The following LSS variants were observed in gnomAD, a reference collection of about 807,000 sequenced individuals.
LSS encodes the protein lanosterol synthase.
A neutral mutation model predicts 110.3 loss-of-function variants in LSS; 90 were observed. The observed-to-expected ratio is 0.82, with a 90% CI of 0.69 to 0.97. The LOEUF (loss-of-function observed/expected upper bound fraction) is 0.97, where lower values mean the gene tolerates loss of function less well. LSS is among the 50% of genes least tolerant of loss of function. The pLI, the probability that LSS is intolerant of heterozygous loss-of-function variation, is 0.00. For synonymous variants in LSS, 433 were observed against 400.0 expected (o/e 1.08, Z -0.98); for missense variants, 927 against 990.0 (o/e 0.94, Z 0.85).
rs9983748 is a variant in LSS, at chr21:46,217,056, G to A, written c.648-532C>T. Among the ~76,000 whole-genome samples, 317 of 152,192 alleles carry A rather than the reference G, an allele frequency of 2.1e-3. 1 individual carries two copies. The highest frequency in any genetic ancestry group is 7.1e-3 in the African/African-American group (295 of 41,520). ...GAGGTCAGGAGTTTGAGACCAGCCT[G>A]ACCAACATGGCGAAACCCCATCTCT... On this transcript the variant is annotated intron_variant, in intron 6 of 21. Coordinates refer to ENST00000397728, the MANE Select transcript of LSS (RefSeq NM_002340.6).
At chr21:46,207,090 G>A (rs924822279) in intron 15 of LSS, among the ~76,000 whole-genome samples, 13 of 152,244 alleles carry the variant, frequency 8.5e-5, no homozygotes, top group Non-Finnish European at 1.9e-4. Context: ...TGTGCTGAAA[G>A]GATGTGGCAC....
intron 6 of LSS, among the ~76,000 whole-genome samples, chr21:46,217,680 C>T (rs554410486): frequency 2.0e-5 from 3 of 152,334 alleles, no homozygotes; most frequent in African/African-American, 4.8e-5. Context: ...CCTGGCGTGC[C>T]CATGCGGCAG....
intron 6 of LSS, among the ~76,000 whole-genome samples, chr21:46,218,066 C>T (rs1007154262): frequency 3.9e-5 from 6 of 152,020 alleles, no homozygotes; most frequent in African/African-American, 1.2e-4. Flanking sequence ...CTTGAGCGGC[C>T]CCTTCACTTC....
At chr21:46,207,788 TCA>T (rs1356635759) in intron 14 of LSS, among the ~76,000 whole-genome samples, 3 of 151,028 alleles carry the variant, frequency 2.0e-5, no homozygotes, top group African/African-American at 7.4e-5. Context: ...GGGGTGCAGC[TCA>T]CACCCTCAAC....
intron 20 of LSS, chr21:46,193,133 A>C: frequency 2.2e-6 from 1 of 446,738 alleles, no homozygotes; most frequent in South Asian, 1.6e-5. Context: ...GTGCATGCAT[A>C]CGTGTGTGCA....
In LSS at chr21:46,190,902, G is replaced by T; in HGVS notation, c.*202C>A. 1.7e-6 allele frequency: 1 copy of T among 579,760 alleles called. No homozygotes were observed. The highest frequency in any genetic ancestry group is 2.9e-6 in the Non-Finnish European group (1 of 341,736). The allele number at this position is 579,760 out of a possible 1,614,324, so 35.9% of individuals were successfully genotyped here. ...AGCCCGACAAGCTACTTTCAGAAATGAACCTACAGTAAAAATCAAGAGTCT... is the reference window on the plus strand; with the variant it reads ...AGCCCGACAAGCTACTTTCAGAAATTAACCTACAGTAAAAATCAAGAGTCT... On this transcript the variant is annotated 3_prime_UTR_variant, in exon 22 of 22. Transcript: ENST00000397728. This position sits in a 1 kb window ranked among gnomAD's most constrained non-coding sequence, Gnocchi z 4.6.
intron 3 of LSS, 43 bp downstream of exon 3, chr21:46,227,509 T>G: frequency 6.2e-7 from 1 of 1,610,686 alleles, no homozygotes; most frequent in African/African-American, 1.3e-5. Flanking sequence ...CCAAGGGTGA[T>G]CCAGGGTGGC....
At chr21:46,205,300 CAGGAGAGCAGG>C (rs999540873) in intron 17 of LSS, among the ~76,000 whole-genome samples, 7 of 152,140 alleles carry the variant, frequency 4.6e-5, no homozygotes, top group African/African-American at 1.4e-4. Context: ...AGCAGGAGAG[CAGGAGAGCAGG>C]AGAAGGCAAC....
At chr21:46,196,705 C>T (rs778509795) in intron 17 of LSS, among the ~76,000 whole-genome samples, 8 of 152,238 alleles carry the variant, frequency 5.3e-5, no homozygotes, top group Non-Finnish European at 8.8e-5. Context: ...AAGGCCAGAG[C>T]GAAGTGTCTA....
At chr21:46,194,857 C>T (rs1423526061) in intron 19 of LSS, among the ~76,000 whole-genome samples, 196 bp from the exon 20 acceptor site, 1 of 152,256 alleles carries the variant, frequency 6.6e-6, no homozygotes, top group Non-Finnish European at 1.5e-5. Context: ...ACTCCTGCCT[C>T]CCAGAGTCGC....
At position 46,216,313 on chromosome 21, in the gene LSS, G is replaced by A. The variant is rs1033393832; in HGVS notation, c.783+76C>T. 1.2e-5 allele frequency: 19 copies of A among 1,589,734 alleles called. No individual in the cohort carries two copies. The highest frequency in any genetic ancestry group is 1.6e-5 in the Non-Finnish European group (19 of 1,162,358). ...GCCACCAGGTGAGTGGACAGGTGTG[G>A]TTAGATTCCAGAAGCCCCAGGCCCT... On this transcript the variant is annotated intron_variant, in intron 7 of 21. Coordinates refer to ENST00000397728, the MANE Select transcript of LSS (RefSeq NM_002340.6). The surrounding 1 kb of genome is among the most constrained non-coding windows in gnomAD (Gnocchi z 4.2).
intron 13 of LSS, among the ~76,000 whole-genome samples, 162 bp from the exon 14 acceptor site, chr21:46,208,463 G>A (rs1337714899): frequency 2.0e-5 from 3 of 152,178 alleles, no homozygotes; most frequent in Non-Finnish European, 4.4e-5. Context: ...CGAGGCGCGC[G>A]AGGGCCTGCA....
intron 9 of LSS, among the ~76,000 whole-genome samples, chr21:46,214,075 C>T (rs1256529042): frequency 6.6e-6 from 1 of 152,226 alleles, no homozygotes; most frequent in African/African-American, 2.4e-5. Context: ...CTGCCTTAGG[C>T]TGTGAGAAGG....
At chr21:46,203,135 A>G (rs1477961561) in intron 17 of LSS, among the ~76,000 whole-genome samples, 1 of 152,244 alleles carries the variant, frequency 6.6e-6, no homozygotes, top group Non-Finnish European at 1.5e-5. Context: ...AGACAGCCAG[A>G]AGGGGCAGGG....
At position 46,228,468 on chromosome 21, in the gene LSS, G is replaced by A; in HGVS notation, c.146C>T (p.Thr49Ile). The change falls in exon 2 of 22, where the codon ACC (threonine) becomes ATC (isoleucine). Residue 49 changes from threonine to isoleucine, a missense_variant. Transcript: ENST00000397728. ...CCCCAGGGCGTAGGCTTCCAGGCCG[G>A]TCTGCTCGCGGCCGGCGCGCTCGTC... Reference protein sequence around the residue: ...LQDERAGREQTGLEAYALGLD... With the variant: ...LQDERAGREQIGLEAYALGLD... 1 of 1,603,702 alleles carries A rather than the reference G, an allele frequency of 6.2e-7. No individual in the cohort carries two copies. The highest frequency in any genetic ancestry group is 8.5e-7 in the Non-Finnish European group (1 of 1,179,610).
chr21:46,213,640 C>A lies in LSS; in HGVS notation c.1109+98G>T, dbSNP rs2080161918. On this transcript the variant is annotated intron_variant, in intron 10 of 21. Coordinates refer to ENST00000397728, the MANE Select transcript of LSS (RefSeq NM_002340.6). The stretch of plus-strand genomic sequence containing the variant: ...CCTGGAGGTATTCCCTGGCAGTATT[C>A]CCAGATGGCACCGTGGGGGCCCCCT... 4 of 900,724 alleles carry A rather than the reference C, an allele frequency of 4.4e-6. No individual in the cohort carries two copies. The African/African-American group carries it at 5.0e-5, about 11-fold the overall frequency. 55.8% of individuals were successfully genotyped at this position (900,724 alleles called of 1,614,324 possible). A position where few individuals can be genotyped will look rare whatever the true frequency, so the allele number is the denominator to read the frequency against.
Position 46,189,828 on chromosome 21 carries a change from A to G in LSS, c.*1276T>C. ...AACGAAGCTCTCAGTGACTCCTCCC[A>G]GTAGCCAGGGGAGAGCAGTGACAGT... On this transcript the variant is annotated 3_prime_UTR_variant, in exon 22 of 22. Coordinates refer to ENST00000397728, the MANE Select transcript of LSS (RefSeq NM_002340.6). The G allele has an allele frequency of 2.3e-6, 1 of 425,992 alleles. No individual in the cohort carries two copies. The highest frequency in any genetic ancestry group is 4.7e-6 in the Non-Finnish European group (1 of 211,370). The allele number at this position is 425,992 out of a possible 1,614,324, so 26.4% of individuals were successfully genotyped here. A position where few individuals can be genotyped will look rare whatever the true frequency, so the allele number is the denominator to read the frequency against.
intron 2 of LSS, among the ~76,000 whole-genome samples, chr21:46,228,060 C>T (rs561268622): frequency 9.4e-4 from 143 of 152,266 alleles, no homozygotes; most frequent in African/African-American, 3.0e-3. Flanking sequence ...GGCCGGGGCT[C>T]GGCAGGAGAC....
chr21:46,225,062 C>T (rs904213612), intron 3 of LSS, among the ~76,000 whole-genome samples: 8 of 152,072 alleles, frequency 5.3e-5, no homozygotes, highest in Admixed American at 2.6e-4. Flanking sequence ...ACCGAGGGCA[C>T]GAGCTGTTCC....
Sources: allele counts gnomAD v4.1 joint callset (sites outside exome capture counted in the v4.1 genomes callset), GRCh38; gene constraint gnomAD v4.1.1; non-coding constraint Gnocchi (gnomAD v3.1); transcripts MANE v1.5; gene names NCBI Gene and HGNC (gene_info 2026-07-23, HGNC 2026-07-21).